Variants in DCP1A observed in about 807,000 individuals in gnomAD.
The protein encoded by DCP1A is decapping mRNA 1A, also known as mRNA-decapping enzyme 1A.
DCP1A carries 20 observed loss-of-function variants against 58.0 expected under a neutral mutation model. The observed-to-expected ratio is 0.34, with a 90% CI of 0.24 to 0.50. The LOEUF is 0.50. DCP1A is among the 20% of genes least tolerant of loss of function. The pLI, the probability that DCP1A is intolerant of heterozygous loss-of-function variation, is 0.98. For synonymous variants in DCP1A, 285 were observed against 275.1 expected, an observed-to-expected ratio of 1.04 and a Z score of -0.36; for missense variants, 613 against 712.2, an observed-to-expected ratio of 0.86 and a Z score of 1.59.
chr3:53,332,098 C>T (rs1318474020), intron 3 of DCP1A, among the ~76,000 whole-genome samples: 2 of 151,986 alleles, frequency 1.3e-5, no homozygotes, highest in African/African-American at 4.8e-5. Context: ...GCATGATTTC[C>T]TCATCACAGA....
At chr3:53,316,853 TC>T (rs1707829968) in intron 4 of DCP1A, among the ~76,000 whole-genome samples, 3 of 152,292 alleles carry the variant, frequency 2.0e-5, no homozygotes, top group African/African-American at 7.2e-5. Context: ...GCTCTTCTTT[TC>T]CCTTCCAGCT....
intron 3 of DCP1A, among the ~76,000 whole-genome samples, chr3:53,331,195 C>G (rs2088993048): frequency 6.6e-6 from 1 of 152,076 alleles, no homozygotes; most frequent in Non-Finnish European, 1.5e-5. Context: ...CAAAGAAAAT[C>G]ATTAAATGCC....
chr3:53,301,028 T>A (rs1198022586), intron 6 of DCP1A, among the ~76,000 whole-genome samples: 2 of 152,116 alleles, frequency 1.3e-5, no homozygotes, highest in Non-Finnish European at 2.9e-5. Flanking sequence ...GGTACAATAA[T>A]CCTTAACTTC....
At chr3:53,335,955 C>G (rs1450531166) in intron 3 of DCP1A, among the ~76,000 whole-genome samples, 2 of 150,682 alleles carry the variant, frequency 1.3e-5, no homozygotes, top group Non-Finnish European at 3.0e-5. Flanking sequence ...CTCCCAGGTC[C>G]ACCCGGCTAA....
intron 3 of DCP1A, among the ~76,000 whole-genome samples, chr3:53,321,668 G>A (rs891823921): frequency 3.3e-5 from 5 of 152,134 alleles, no homozygotes; most frequent in African/African-American, 9.7e-5. Flanking sequence ...GCAGTGAGTC[G>A]AGATTGCACC....
At chr3:53,308,381 A>T (rs1707538499) in intron 5 of DCP1A, among the ~76,000 whole-genome samples, 1 of 151,966 alleles carries the variant, frequency 6.6e-6, no homozygotes, top group Admixed American at 6.6e-5. Flanking sequence ...TGTAACTTGG[A>T]GCTGTTGGGC....
intron 3 of DCP1A, among the ~76,000 whole-genome samples, chr3:53,327,348 T>C (rs1282034373): frequency 2.0e-5 from 3 of 152,242 alleles, no homozygotes; most frequent in Non-Finnish European, 4.4e-5. Flanking sequence ...TCTGGCTGAC[T>C]GCAGTACTTG....
At chr3:53,297,599 G>T (rs1288289017) in intron 6 of DCP1A, among the ~76,000 whole-genome samples, 2 of 152,088 alleles carry the variant, frequency 1.3e-5, no homozygotes, top group Admixed American at 6.6e-5. Flanking sequence ...GACCTCAGGT[G>T]ATCTGTCTGC....
At chr3:53,291,963 A>C in intron 7 of DCP1A, 106 bp downstream of exon 7, 8 of 1,246,148 alleles carry the variant, frequency 6.4e-6, no homozygotes, top group Non-Finnish European at 8.7e-6. Flanking sequence ...TAAAGGGACA[A>C]CTCTAAAAAT....
chr3:53,302,581 C>T (rs532373045), intron 6 of DCP1A, among the ~76,000 whole-genome samples: 2 of 152,246 alleles, frequency 1.3e-5, no homozygotes, highest in Non-Finnish European at 1.5e-5. Flanking sequence ...AAATAAAGTA[C>T]AGTAAGAGGA....
At position 53,287,063 on chromosome 3, in the gene DCP1A, C is replaced by T. The variant is rs1168235056; in HGVS notation, c.*517G>A. On this transcript the variant is annotated 3_prime_UTR_variant, in exon 10 of 10. Transcript: ENST00000610213. ...TATACTTCACTTGAGGAAATAATTCCTAATTTGCCGGCTTAAATTCTGGTC... is the reference window on the plus strand; with the variant it reads ...TATACTTCACTTGAGGAAATAATTCTTAATTTGCCGGCTTAAATTCTGGTC... 2 of 152,288 alleles carry T rather than the reference C, an allele frequency of 1.3e-5. No homozygotes were observed. Among genetic ancestry groups the T allele is most frequent in the Non-Finnish European group, 2.9e-5 (2 of 68,102 alleles). 9.4% of individuals were successfully genotyped at this position (152,288 alleles called of 1,614,324 possible).
chr3:53,323,432 G>A (rs1708026469), intron 3 of DCP1A, among the ~76,000 whole-genome samples: 1 of 152,130 alleles, frequency 6.6e-6, no homozygotes, highest in South Asian at 2.1e-4. Context: ...AATTACATAG[G>A]ACTACCTTTC....
rs987062129 is a variant in DCP1A, at chr3:53,332,757, C to T, written c.304+9387G>A. 2.4e-4 allele frequency among the ~76,000 whole-genome samples: 36 copies of T among 151,372 alleles called. No individual in the cohort carries two copies. The East Asian group carries it at 6.4e-3, about 27-fold the overall frequency. On this transcript the variant is annotated intron_variant, in intron 3 of 9. Transcript: ENST00000610213. ...GCGGGTGCCTGTAGTCCCAGCCACT[C>T]GGGAGGCTAAGGCAGGAGAATGGCG...
intron 3 of DCP1A, among the ~76,000 whole-genome samples, chr3:53,331,947 T>C (rs2089012805): frequency 2.0e-5 from 3 of 152,214 alleles, no homozygotes; most frequent in Admixed American, 2.0e-4. Context: ...GTGCAAAATA[T>C]TTGTGTTTCT....
intron 3 of DCP1A, 92 bp from the exon 4 acceptor site, chr3:53,319,565 A>G (rs1443745394): frequency 6.6e-6 from 5 of 757,368 alleles, no homozygotes; most frequent in Non-Finnish European, 1.1e-5. Context: ...GGAATTCACT[A>G]AATGTACCAT....
chr3:53,308,222 A>T (rs1377898113), intron 5 of DCP1A, among the ~76,000 whole-genome samples: 1 of 151,552 alleles, frequency 6.6e-6, no homozygotes, highest in Non-Finnish European at 1.5e-5. Context: ...AAAAAAAGAA[A>T]AAACTTTTCT....
At chr3:53,315,593 GTCAAC>G in intron 4 of DCP1A, among the ~76,000 whole-genome samples, 1 of 150,276 alleles carries the variant, frequency 6.7e-6, no homozygotes, top group South Asian at 2.1e-4. Context: ...CTTTAGGAGA[GTCAAC>G]AGCTTCTAAG....
At chr3:53,299,898 T>C (rs1707256371) in intron 6 of DCP1A, among the ~76,000 whole-genome samples, 1 of 152,050 alleles carries the variant, frequency 6.6e-6, no homozygotes, top group Non-Finnish European at 1.5e-5. Flanking sequence ...GATGGAGTCT[T>C]GCTCTGTCGC....
At chr3:53,342,085 T>C (rs1192657835) in intron 3 of DCP1A, 59 bp downstream of exon 3, 5 of 1,417,840 alleles carry the variant, frequency 3.5e-6, no homozygotes, top group Non-Finnish European at 4.8e-6. Context: ...AATGGATTGA[T>C]AGAAACTAAA....
Sources: gnomAD v4.1 joint callset for allele counts (sites outside exome capture counted in the v4.1 genomes callset) on GRCh38, gnomAD v4.1.1 for gene constraint, MANE v1.5 for transcripts, NCBI Gene and HGNC (gene_info 2026-07-23, HGNC 2026-07-21) for gene names.